DPY19L1: variants seen among roughly 807,000 people sequenced by gnomAD.
DPY19L1 encodes the protein dpy-19 like C-mannosyltransferase 1, also known as protein C-mannosyl-transferase DPY19L1.
In DPY19L1, 35 loss-of-function variants were observed where a neutral mutation model predicts 96.9. That is an observed-to-expected ratio of 0.36 (90% CI 0.28 to 0.48). The LOEUF is 0.48. Ranked by LOEUF, DPY19L1 falls within the 20% of genes least tolerant of loss-of-function variation. The probability of loss-of-function intolerance (pLI) is 0.99; values close to 1 mark genes in which losing one functional copy is unlikely to be tolerated. For synonymous variants in DPY19L1, 205 were observed against 252.6 expected (o/e 0.81, Z 1.79); for missense variants, 521 against 777.9 (o/e 0.67, Z 3.93).
At chr7:35,033,249 C>T (rs544322327) in intron 1 of DPY19L1, among the ~76,000 whole-genome samples, 7 of 152,314 alleles carry the variant, frequency 4.6e-5, no homozygotes, top group African/African-American at 1.7e-4. Context: ...GCTACCTCCC[C>T]AGAGACCTTT....
intron 6 of DPY19L1, among the ~76,000 whole-genome samples, chr7:35,004,135 A>T (rs1321646169): frequency 6.6e-6 from 1 of 152,176 alleles, no homozygotes; most frequent in African/African-American, 2.4e-5. Context: ...CATTACAGTA[A>T]ATGATTAAAG....
At chr7:35,008,528 T>C (rs1229648005) in intron 6 of DPY19L1, among the ~76,000 whole-genome samples, 1 of 152,202 alleles carries the variant, frequency 6.6e-6, no homozygotes, top group African/African-American at 2.4e-5. Context: ...TACAAATTCT[T>C]CTTTCAATTA....
Position 34,969,530 on chromosome 7 carries a change from G to A in DPY19L1, c.917C>T (p.Ala306Val). 2 of 1,534,504 alleles carry A rather than the reference G, an allele frequency of 1.3e-6. No individual in the cohort carries two copies. Among genetic ancestry groups the A allele is most frequent in the Non-Finnish European group, 1.7e-6 (2 of 1,143,534 alleles). Reference sequence around the variant, plus strand: ...CAAGCTTCCTCTATAAAGTTTTGTAGCCCTTGAAAAGATAAAATAAGTGTT... The same window carrying A: ...CAAGCTTCCTCTATAAAGTTTTGTAACCCTTGAAAAGATAAAATAAGTGTT... ...QMLLVTHILR[A>V]TKLYRGSLIA... The change falls in exon 9 of 22, where the codon GCT (alanine) becomes GTT (valine). Residue 306 changes from alanine (A) to valine (V), a missense_variant and splice_region_variant. By Grantham distance (64) the Ala-to-Val change is moderately conservative. Transcript: ENST00000638088.
At chr7:34,980,877 C>G (rs1413722619) in intron 7 of DPY19L1, among the ~76,000 whole-genome samples, 1 of 152,148 alleles carries the variant, frequency 6.6e-6, no homozygotes, top group Non-Finnish European at 1.5e-5. Context: ...CTTTGGAAAA[C>G]AATGTGGATA....
intron 6 of DPY19L1, among the ~76,000 whole-genome samples, chr7:35,006,546 T>C (rs1404982201): frequency 1.3e-5 from 2 of 152,192 alleles, no homozygotes; most frequent in African/African-American, 2.4e-5. Context: ...TCAGAAACTG[T>C]TAGTCTGTGG....
Position 34,969,447 on chromosome 7 carries a change from C to T in DPY19L1, c.1000G>A (p.Val334Ile), listed in dbSNP as rs1370305962. 1 of 1,562,856 alleles carries T rather than the reference C, an allele frequency of 6.4e-7. No homozygotes were observed. ...AATCACCTCACCTGAGTAAGAAGTA[C>T]AAACTGAGCAAACTGCCAAGGAAGC... ...FMLPWQFAQFVLLTQIASLFA... is the reference protein window; with the variant it reads ...FMLPWQFAQFILLTQIASLFA... The change falls in exon 9 of 22, where the codon GTA (valine) becomes ATA (isoleucine). Residue 334 changes from valine to isoleucine, a missense_variant. By Grantham distance (29) the Val-to-Ile change is conservative. Transcript: ENST00000638088.
At chr7:35,010,615 C>T (rs328939) in intron 5 of DPY19L1, 54 bp from the exon 6 acceptor site, 252,665 of 1,057,502 alleles carry the variant, frequency 0.24, 31,739 homozygotes, top group Middle Eastern at 0.24. Flanking sequence ...AATTACCTTA[C>T]GTGTCTAGCA....
At chr7:34,963,826 G>A (rs1784556094) in intron 10 of DPY19L1, among the ~76,000 whole-genome samples, 1 of 152,136 alleles carries the variant, frequency 6.6e-6, no homozygotes, top group Non-Finnish European at 1.5e-5. Flanking sequence ...AATTGAAATA[G>A]GCCAGTCACA....
At chr7:34,944,877 C>T (rs1562801231) in intron 16 of DPY19L1, among the ~76,000 whole-genome samples, 1 of 152,162 alleles carries the variant, frequency 6.6e-6, no homozygotes, top group Non-Finnish European at 1.5e-5. Context: ...CCATCTACTA[C>T]CTCCCACTCT....
chr7:34,937,603 A>G (rs1783897435), intron 21 of DPY19L1, among the ~76,000 whole-genome samples: 1 of 152,208 alleles, frequency 6.6e-6, no homozygotes, highest in African/African-American at 2.4e-5. Context: ...AGATATTTAT[A>G]AAGACTATAA....
At chr7:34,947,542 A>G (rs981324297) in intron 15 of DPY19L1, 88 bp downstream of exon 15, 7 of 1,064,412 alleles carry the variant, frequency 6.6e-6, no homozygotes, top group Non-Finnish European at 9.7e-6. Flanking sequence ...ACGTTGTATC[A>G]GATAAATGTG....
At chr7:34,965,136 G>A (rs954325448) in intron 10 of DPY19L1, among the ~76,000 whole-genome samples, 14 of 152,186 alleles carry the variant, frequency 9.2e-5, no homozygotes, top group Admixed American at 7.8e-4. Context: ...TTACTACCAG[G>A]TAAATACCCT....
At chr7:34,945,371 G>A (rs780703246) in intron 16 of DPY19L1, among the ~76,000 whole-genome samples, 8 of 152,104 alleles carry the variant, frequency 5.3e-5, no homozygotes, top group Admixed American at 6.5e-5. Context: ...AACCACTCAC[G>A]TAATAATTTA....
intron 4 of DPY19L1, among the ~76,000 whole-genome samples, chr7:35,012,191 A>T (rs1211725351): frequency 6.6e-6 from 1 of 152,232 alleles, no homozygotes; most frequent in Non-Finnish European, 1.5e-5. Context: ...AGGGAAAGAC[A>T]TCAAGGCCAG....
chr7:34,970,226 C>A (rs551334553), intron 8 of DPY19L1, among the ~76,000 whole-genome samples: 36 of 152,284 alleles, frequency 2.4e-4, no homozygotes, highest in Admixed American at 1.2e-3. Flanking sequence ...GAGGTGTATG[C>A]AGCTCAGATA....
chr7:35,014,437 G>C (rs570624500), intron 3 of DPY19L1, among the ~76,000 whole-genome samples: 1 of 151,968 alleles, frequency 6.6e-6, no homozygotes, highest in African/African-American at 2.4e-5. Flanking sequence ...CTAACGGAGA[G>C]TCTAAGTGGC....
chr7:34,954,580 A>C (rs1784337794), intron 13 of DPY19L1, 118 bp downstream of exon 13: 1 of 563,624 alleles, frequency 1.8e-6, no homozygotes, highest in Middle Eastern at 4.7e-4. Context: ...ATAAAATAAT[A>C]GGTGAACAGA....
chr7:35,036,052 T>C (rs1562834745), intron 1 of DPY19L1, among the ~76,000 whole-genome samples: 1 of 152,162 alleles, frequency 6.6e-6, no homozygotes, highest in Admixed American at 6.5e-5. Flanking sequence ...CATTAAAACA[T>C]ACAGAGATGA....
At chr7:34,954,865 C>T in intron 12 of DPY19L1, 87 bp from the exon 13 acceptor site, 1 of 590,296 alleles carries the variant, frequency 1.7e-6, no homozygotes. Flanking sequence ...TTTAATCATA[C>T]ATGAAATACA....
Sources: gnomAD v4.1 joint callset for allele counts (sites outside exome capture counted in the v4.1 genomes callset) on GRCh38, gnomAD v4.1.1 for gene constraint, MANE v1.5 for transcripts, NCBI Gene and HGNC (gene_info 2026-07-23, HGNC 2026-07-21) for gene names.